CNTN4: variants seen among roughly 807,000 people sequenced by gnomAD.
The protein encoded by CNTN4 is contactin-4.
CNTN4 carries 77 observed loss-of-function variants against 122.5 expected under a neutral mutation model. The ratio of observed to expected loss-of-function variants is 0.63; its 90% confidence interval spans 0.52 to 0.76. CNTN4 has a LOEUF of 0.76. Among genes scored for constraint, CNTN4 ranks in the 30% least tolerant of loss-of-function variants. The probability of loss-of-function intolerance (pLI) is 0.00; values close to 1 mark genes in which losing one functional copy is unlikely to be tolerated. For synonymous variants in CNTN4, 512 were observed against 447.0 expected (o/e 1.15, Z -1.83); for missense variants, 1,256 against 1,259.1 (o/e 1.00, Z 0.04).
In CNTN4 at chr3:3,057,281, T is replaced by G. The variant is rs1046924386; in HGVS notation, c.*1061T>G. Reference sequence around the variant, plus strand: ...ATGGACTTTGGAAGATTGCTCCTATTTCAACAAATAGTTGCTGCAAGAATT... The same window carrying G: ...ATGGACTTTGGAAGATTGCTCCTATGTCAACAAATAGTTGCTGCAAGAATT... On this transcript the variant is annotated 3_prime_UTR_variant, in exon 25 of 25. Coordinates refer to ENST00000418658, the MANE Select transcript of CNTN4 (RefSeq NM_175607.3). 1.3e-5 allele frequency: 2 copies of G among 152,788 alleles called. No individual in the cohort carries two copies. The highest frequency in any genetic ancestry group is 4.1e-4 in the South Asian group (2 of 4,832). The allele number at this position is 152,788 out of a possible 1,614,324, so 9.5% of individuals were successfully genotyped here. A position where few individuals can be genotyped will look rare whatever the true frequency, so the allele number is the denominator to read the frequency against.
At chr3:2,947,027 A>G (rs2094686291) in intron 13 of CNTN4, among the ~76,000 whole-genome samples, 1 of 152,172 alleles carries the variant, frequency 6.6e-6, no homozygotes, top group Non-Finnish European at 1.5e-5. Context: ...CTGTATGGCA[A>G]TACTTATCCA....
chr3:3,037,402 CT>C (rs1699706751), intron 18 of CNTN4, 74 bp downstream of exon 18: 1 of 1,593,006 alleles, frequency 6.3e-7, no homozygotes, highest in Non-Finnish European at 8.6e-7. Context: ...TGAATTCTTG[CT>C]GCTCTTCAGC....
chr3:3,000,339 G>C (rs1695915747), intron 14 of CNTN4, among the ~76,000 whole-genome samples: 1 of 143,088 alleles, frequency 7.0e-6, no homozygotes, highest in Non-Finnish European at 1.5e-5. Flanking sequence ...GGGATGATAG[G>C]AACAGCTGTA....
At chr3:2,748,281 A>G (rs72993614) in intron 6 of CNTN4, among the ~76,000 whole-genome samples, 80 of 152,354 alleles carry the variant, frequency 5.3e-4, no homozygotes, top group South Asian at 3.3e-3. Flanking sequence ...AGTATTTCTT[A>G]TAAATTCCTA....
At chr3:2,192,644 C>T (rs559292282) in intron 2 of CNTN4, among the ~76,000 whole-genome samples, 46 of 152,254 alleles carry the variant, frequency 3.0e-4, no homozygotes, top group Non-Finnish European at 5.7e-4. Context: ...ACAGACACTT[C>T]GCAAAAGAAG....
chr3:2,215,655 C>T (rs1263708815), intron 2 of CNTN4, among the ~76,000 whole-genome samples: 2 of 151,916 alleles, frequency 1.3e-5, no homozygotes, highest in African/African-American at 4.8e-5. Flanking sequence ...GGCCGAGGCA[C>T]GTGGATCATG....
At chr3:2,836,780 G>T (rs2093234916) in intron 7 of CNTN4, among the ~76,000 whole-genome samples, 1 of 146,172 alleles carries the variant, frequency 6.8e-6, no homozygotes, top group African/African-American at 2.5e-5. Context: ...GTGGGGGGCT[G>T]GGGGAGGGAT....
At chr3:2,527,026 G>A (rs1254468964) in intron 3 of CNTN4, among the ~76,000 whole-genome samples, 2 of 152,084 alleles carry the variant, frequency 1.3e-5, no homozygotes, top group African/African-American at 2.4e-5. Context: ...CTCAGAAAAC[G>A]TAGAAGACAG....
intron 6 of CNTN4, among the ~76,000 whole-genome samples, chr3:2,773,161 A>G (rs1402440595): frequency 6.6e-6 from 1 of 152,128 alleles, no homozygotes; most frequent in African/African-American, 2.4e-5. Flanking sequence ...GAAGTCAAGA[A>G]GTAGAGAAAG....
chr3:3,037,328 C>G lies in CNTN4; in HGVS notation c.2092C>G (p.Leu698Val), dbSNP rs866560366. 9 of 1,613,972 alleles carry G rather than the reference C, an allele frequency of 5.6e-6. No homozygotes were observed. The African/African-American group carries it at 1.1e-4, about 19-fold the overall frequency. Residue 698 changes from leucine (L) to valine (V), a missense_variant and splice_region_variant, in exon 18 of 25, where the codon CTC (leucine) becomes GTC (valine). By Grantham distance (32) the Leu-to-Val change is conservative. Coordinates refer to ENST00000418658, the MANE Select transcript of CNTN4 (RefSeq NM_175607.3). ...AGAGAAACGGAGAACAGAAGAAGCT[C>G]GTGAGTAGCACCCGAGATTCAGATC... ...PSEKRRTEEA[L>V]PEVTPANVSG...
intron 2 of CNTN4, among the ~76,000 whole-genome samples, chr3:2,298,380 A>C (rs1483582841): frequency 1.3e-5 from 2 of 152,102 alleles, no homozygotes; most frequent in Non-Finnish European, 2.9e-5. Context: ...TTAAACACAC[A>C]CTACCTCATC....
chr3:2,618,095 T>G (rs2149895089), intron 4 of CNTN4, among the ~76,000 whole-genome samples: 1 of 152,220 alleles, frequency 6.6e-6, no homozygotes, highest in South Asian at 2.1e-4. Flanking sequence ...TATGTAGTAG[T>G]TAGAACAGAT....
chr3:2,149,542 C>T (rs2035402503), intron 2 of CNTN4, among the ~76,000 whole-genome samples: 1 of 152,094 alleles, frequency 6.6e-6, no homozygotes, highest in African/African-American at 2.4e-5. Flanking sequence ...ATTGCATTCC[C>T]TCAGGCCACA....
chr3:2,320,118 T>A (rs1032783), intron 2 of CNTN4, among the ~76,000 whole-genome samples: 41,858 of 152,002 alleles, frequency 0.28, 6,210 homozygotes, highest in Admixed American at 0.37. Context: ...GGGGATATAA[T>A]TCTGGAATGA....
At chr3:2,738,625 G>A (rs944808061) in intron 5 of CNTN4, among the ~76,000 whole-genome samples, 76 of 152,250 alleles carry the variant, frequency 5.0e-4, no homozygotes, top group African/African-American at 1.8e-3. Flanking sequence ...ATACTGTCTT[G>A]TGAAGATAAA....
At chr3:2,856,654 C>T (rs1041017551) in intron 7 of CNTN4, among the ~76,000 whole-genome samples, 1 of 152,204 alleles carries the variant, frequency 6.6e-6, no homozygotes, top group Admixed American at 6.5e-5. Flanking sequence ...CAGCTACAAG[C>T]GACCCCTGCA....
At chr3:2,738,141 C>A (rs1481089633) in intron 5 of CNTN4, among the ~76,000 whole-genome samples, 1 of 152,120 alleles carries the variant, frequency 6.6e-6, no homozygotes, top group African/African-American at 2.4e-5. Flanking sequence ...CAAGCCGTAG[C>A]TATAGGAAGC....
At chr3:2,950,859 C>T (rs1351422408) in intron 13 of CNTN4, among the ~76,000 whole-genome samples, 1 of 152,166 alleles carries the variant, frequency 6.6e-6, no homozygotes, top group Non-Finnish European at 1.5e-5. Flanking sequence ...AATTTGTGTC[C>T]TATACTAGAC....
At chr3:2,753,127 A>G (rs1218887292) in intron 6 of CNTN4, among the ~76,000 whole-genome samples, 2 of 152,140 alleles carry the variant, frequency 1.3e-5, no homozygotes, top group Non-Finnish European at 1.5e-5. Context: ...TTTCTTTTGA[A>G]TATATACCCA....
Sources: allele counts gnomAD v4.1 joint callset (sites outside exome capture counted in the v4.1 genomes callset), GRCh38; gene constraint gnomAD v4.1.1; transcripts MANE v1.5; gene names NCBI Gene and HGNC (gene_info 2026-07-23, HGNC 2026-07-21).